Variants in COPG2 observed in about 807,000 individuals in gnomAD.
COPG2 encodes the protein coat protein complex I subunit gamma 2.
Under a neutral mutation model 46.3 loss-of-function variants are expected in COPG2, and 37 were observed. That is an observed-to-expected ratio of 0.80 (90% CI 0.61 to 1.05). COPG2 has a LOEUF of 1.05. COPG2 is among the 50% of genes least tolerant of loss of function. The pLI is 0.00. For synonymous variants in COPG2, 159 were observed against 129.7 expected, an observed-to-expected ratio of 1.23 and a Z score of -1.53; for missense variants, 427 against 387.8, an observed-to-expected ratio of 1.10 and a Z score of -0.85.
At chr7:130,542,163 T>C (rs1334346467) in intron 20 of COPG2, among the ~76,000 whole-genome samples, 11 of 136,694 alleles carry the variant, frequency 8.0e-5, no homozygotes, top group Non-Finnish European at 1.7e-4. Flanking sequence ...AGCAAGAGTG[T>C]GGGTGTGAAC....
At chr7:130,554,460 A>G (rs1436426217) in intron 14 of COPG2, 21 bp downstream of exon 14, 5 of 398,440 alleles carry the variant, frequency 1.3e-5, no homozygotes, top group Non-Finnish European at 2.2e-5. Flanking sequence ...CATCGTCAAT[A>G]TCAGTGTCCC....
intron 5 of COPG2, among the ~76,000 whole-genome samples, chr7:130,649,063 G>A (rs994868894): frequency 1.3e-5 from 2 of 152,132 alleles, no homozygotes; most frequent in Non-Finnish European, 2.9e-5. Flanking sequence ...CACTCCATTA[G>A]ACAAGAGGCT....
chr7:130,625,000 T>C (rs1554454083), intron 5 of COPG2, among the ~76,000 whole-genome samples: 1 of 152,258 alleles, frequency 6.6e-6, no homozygotes. Flanking sequence ...CTGTTTTCCA[T>C]AGTGGTTGTA....
chr7:130,590,778 T>C (rs1486114009), intron 9 of COPG2, among the ~76,000 whole-genome samples: 3 of 150,664 alleles, frequency 2.0e-5, no homozygotes, highest in Non-Finnish European at 2.9e-5. Context: ...GAGGAGCGTC[T>C]CTGCCTGGCC....
intron 12 of COPG2, among the ~76,000 whole-genome samples, chr7:130,559,946 A>AT (rs1372648158): frequency 6.6e-6 from 1 of 152,138 alleles, no homozygotes; most frequent in East Asian, 1.9e-4. Flanking sequence ...TTATTTATTT[A>AT]TTTTTTTAAA....
chr7:130,566,162 GA>G (rs1793799839), intron 9 of COPG2, among the ~76,000 whole-genome samples: 1 of 152,180 alleles, frequency 6.6e-6, no homozygotes, highest in Admixed American at 6.5e-5. Context: ...TGAAACTGTT[GA>G]AAGCATAAAA....
rs1563034244 is a variant in COPG2, at chr7:130,513,385, GTGTGTA to G, written c.2150-4732_2150-4727del. The stretch of plus-strand genomic sequence containing the variant: ...TATATATATATATATATGTGTGTGT[GTGTGTA>G]TATATATATATACACATATACATAT... On this transcript the variant is annotated intron_variant, in intron 20 of 23. Transcript: ENST00000425248. 4.3e-4 allele frequency among the ~76,000 whole-genome samples: 44 copies of G among 102,316 alleles called. 1 individual carries two copies. The highest frequency in any genetic ancestry group is 1.3e-3 in the African/African-American group (37 of 28,806). The allele number at this position is 102,316 out of a possible 152,430, so 67.1% of individuals were successfully genotyped here. A position where few individuals can be genotyped will look rare whatever the true frequency, so the allele number is the denominator to read the frequency against.
chr7:130,668,013 C>T (rs573974020), intron 1 of COPG2, among the ~76,000 whole-genome samples: 1 of 152,250 alleles, frequency 6.6e-6, no homozygotes, highest in South Asian at 2.1e-4. Flanking sequence ...CTACCAAACA[C>T]TGAGAATTTT....
intron 5 of COPG2, among the ~76,000 whole-genome samples, chr7:130,623,196 C>T (rs1383668181): frequency 3.3e-5 from 5 of 152,100 alleles, no homozygotes; most frequent in African/African-American, 1.2e-4. Flanking sequence ...GAATCAAGGG[C>T]CAATGAGTTA....
chr7:130,610,733 T>A, intron 9 of COPG2: 1 of 649,590 alleles, frequency 1.5e-6, no homozygotes, highest in Non-Finnish European at 2.8e-6. Context: ...AATATCAGTT[T>A]GTTAATGTGC....
At chr7:130,650,101 C>T (rs1297680673) in intron 5 of COPG2, among the ~76,000 whole-genome samples, 2 of 152,134 alleles carry the variant, frequency 1.3e-5, no homozygotes, top group African/African-American at 4.8e-5. Context: ...TCCCCCATCT[C>T]CAAATCCAGC....
chr7:130,606,296 GAAAGA>G (rs1337854020), intron 9 of COPG2, among the ~76,000 whole-genome samples: 3 of 150,690 alleles, frequency 2.0e-5, no homozygotes, highest in African/African-American at 7.3e-5. Context: ...AAGAGAGAGA[GAAAGA>G]AAAGAAAGAA....
Position 130,578,138 on chromosome 7 carries a change from C to G in COPG2, c.738-13745G>C, listed in dbSNP as rs1449985754. Among the ~76,000 whole-genome samples, 4 of 151,274 alleles carry G rather than the reference C, an allele frequency of 2.6e-5. No individual in the cohort carries two copies. In the East Asian group the frequency reaches 7.8e-4, roughly 30 times the overall value. On this transcript the variant is annotated intron_variant, in intron 9 of 23. Transcript: ENST00000425248. ...AGAGAGCAGTGGTTCTCCCAGCACG[C>G]AGCTGGAGATCTGAGAACGGGCAGA... is the stretch of plus-strand genomic sequence containing the variant.
intron 3 of COPG2, 76 bp downstream of exon 3, chr7:130,666,773 C>T: frequency 1.5e-6 from 1 of 688,666 alleles, no homozygotes; most frequent in Non-Finnish European, 2.5e-6. Flanking sequence ...AATATACTTT[C>T]CAGAAAGTAT....
chr7:130,532,959 T>C (rs917850382), intron 20 of COPG2, among the ~76,000 whole-genome samples: 230 of 152,146 alleles, frequency 1.5e-3, no homozygotes, highest in African/African-American at 5.0e-3. Flanking sequence ...GACAGTACCA[T>C]GCTATGCAGT....
chr7:130,560,893 A>G, intron 12 of COPG2, 140 bp downstream of exon 12: 1 of 395,634 alleles, frequency 2.5e-6, no homozygotes, highest in Non-Finnish European at 4.5e-6. Context: ...CTTAGGGAAC[A>G]GTAATAACTA....
intron 9 of COPG2, among the ~76,000 whole-genome samples, chr7:130,568,472 TATATA>T (rs1449859221): frequency 6.6e-6 from 1 of 152,138 alleles, no homozygotes; most frequent in African/African-American, 2.4e-5. Flanking sequence ...AGACGGACAT[TATATA>T]ATGATAAAAG....
chr7:130,606,812 T>C (rs1563057400), intron 9 of COPG2, among the ~76,000 whole-genome samples: 1 of 152,212 alleles, frequency 6.6e-6, no homozygotes, highest in Non-Finnish European at 1.5e-5. Context: ...AACAAATCTC[T>C]ACATATTTAT....
chr7:130,650,729 T>C (rs1327200960), intron 5 of COPG2, among the ~76,000 whole-genome samples: 3 of 152,200 alleles, frequency 2.0e-5, no homozygotes, highest in Non-Finnish European at 4.4e-5. Context: ...AAAATTGCCT[T>C]GGGAAAAGAT....
Sources: gnomAD v4.1 joint callset for allele counts (sites outside exome capture counted in the v4.1 genomes callset) on GRCh38, gnomAD v4.1.1 for gene constraint, MANE v1.5 for transcripts, NCBI Gene and HGNC (gene_info 2026-07-23, HGNC 2026-07-21) for gene names.